MAOA: variants seen among roughly 807,000 people sequenced by gnomAD.
MAOA encodes monoamine oxidase A, also known as amine oxidase [flavin-containing] A.
Under a neutral mutation model 42.0 loss-of-function variants are expected in MAOA, and 6 were observed. That is an observed-to-expected ratio of 0.14 (90% CI 0.08 to 0.28). The LOEUF is 0.28. Among genes scored for constraint, MAOA ranks in the 10% least tolerant of loss-of-function variants. MAOA has a pLI of 1.00. For missense variants in MAOA, 262 were observed against 422.3 expected, an observed-to-expected ratio of 0.62 and a Z score of 3.33; for synonymous variants, 140 against 154.0, an observed-to-expected ratio of 0.91 and a Z score of 0.67.
At chrX:43,735,938 C>A (rs2033917086) in intron 9 of MAOA, among the ~76,000 whole-genome samples, 1 of 112,903 alleles carries the variant, frequency 8.9e-6, no homozygotes, top group African/African-American at 3.2e-5. Context: ...GCACAACATT[C>A]ATTCATTCAA....
intron 1 of MAOA, among the ~76,000 whole-genome samples, chrX:43,661,558 A>G (rs1367557697): frequency 9.0e-6 from 1 of 110,617 alleles, no homozygotes; most frequent in East Asian, 2.9e-4. Flanking sequence ...TAATTTCCCA[A>G]TGGTGAGAGT....
intron 1 of MAOA, among the ~76,000 whole-genome samples, chrX:43,678,671 A>G (rs2033419688): frequency 8.9e-6 from 1 of 111,878 alleles, no homozygotes; most frequent in Non-Finnish European, 1.9e-5. Flanking sequence ...ATAGTGAGTG[A>G]CACACAAGTA....
At chrX:43,739,633 G>A (rs1055886780) in intron 10 of MAOA, among the ~76,000 whole-genome samples, 4 of 111,610 alleles carry the variant, frequency 3.6e-5, no homozygotes, top group Non-Finnish European at 5.7e-5. Context: ...AGCTCCCCCC[G>A]CCCTGCATAA....
intron 2 of MAOA, among the ~76,000 whole-genome samples, chrX:43,689,253 AT>A (rs2147083314): frequency 9.0e-6 from 1 of 111,168 alleles, no homozygotes; most frequent in South Asian, 3.7e-4. Flanking sequence ...TAATTTTTGC[AT>A]TTTTAGTGGA....
intron 6 of MAOA, among the ~76,000 whole-genome samples, chrX:43,728,853 A>C (rs1178859683): frequency 8.9e-6 from 1 of 112,973 alleles, no homozygotes; most frequent in African/African-American, 3.2e-5. Context: ...CCCAGTTTCC[A>C]TATCATTTCC....
chrX:43,741,925 T>C, intron 11 of MAOA, 25 bp from the exon 12 acceptor site: 1 of 1,211,113 alleles, frequency 8.3e-7, no homozygotes, highest in South Asian at 1.8e-5. Context: ...TTCTCTTTTG[T>C]ATTTTCTTCC....
chrX:43,729,984 A>G, intron 6 of MAOA, among the ~76,000 whole-genome samples: 1 of 110,222 alleles, frequency 9.1e-6, no homozygotes, highest in East Asian at 2.9e-4. Context: ...ACCTGAGGAC[A>G]GGAGTTTGAG....
chrX:43,683,387 A>G (rs1370440899), intron 1 of MAOA, 126 bp from the exon 2 acceptor site: 1 of 537,821 alleles, frequency 1.9e-6, no homozygotes, highest in Non-Finnish European at 3.3e-6. Context: ...GTCAGAATTT[A>G]TTAGAAAGAC....
intron 3 of MAOA, among the ~76,000 whole-genome samples, chrX:43,702,872 GA>G (rs3216387): frequency 7.4e-5 from 8 of 107,564 alleles, no homozygotes; most frequent in African/African-American, 1.3e-4. Context: ...AAATGTCTCT[GA>G]AAAAAAAAAT....
intron 10 of MAOA, among the ~76,000 whole-genome samples, chrX:43,738,530 A>G (rs991539725): frequency 1.8e-5 from 2 of 112,037 alleles, no homozygotes; most frequent in African/African-American, 6.5e-5. Context: ...CCAGAAAGTA[A>G]GTTAAGCAGG....
At chrX:43,704,164 G>A (rs775162602) in intron 3 of MAOA, among the ~76,000 whole-genome samples, 4 of 111,039 alleles carry the variant, frequency 3.6e-5, no homozygotes, top group East Asian at 5.6e-4. Context: ...GTATTATCCC[G>A]AATAACAAAA....
chrX:43,717,214 C>G (rs1442474826), intron 5 of MAOA, among the ~76,000 whole-genome samples: 1 of 110,626 alleles, frequency 9.0e-6, no homozygotes, highest in African/African-American at 3.3e-5. Flanking sequence ...TGGGGGGAAA[C>G]AGGGAAGGGT....
At position 43,677,914 on chromosome X, in the gene MAOA, T is replaced by C. The variant is rs973748140; in HGVS notation, c.74-5599T>C. Among the ~76,000 whole-genome samples the C allele has an allele frequency of 3.6e-5, 4 of 111,674 alleles. No individual in the cohort carries two copies. In the South Asian group the frequency reaches 1.5e-3, roughly 42 times the overall value. ...ATGATAGATTTTGCTAGTGTTCACTTAGACCTCTTCTCTCAAAAACATGGG... is the reference window on the plus strand; with the variant it reads ...ATGATAGATTTTGCTAGTGTTCACTCAGACCTCTTCTCTCAAAAACATGGG... On this transcript the variant is annotated intron_variant, in intron 1 of 14. Transcript: ENST00000338702.
intron 5 of MAOA, among the ~76,000 whole-genome samples, chrX:43,721,208 T>C (rs1487228269): frequency 9.0e-6 from 1 of 111,178 alleles, no homozygotes; most frequent in Non-Finnish European, 1.9e-5. Context: ...GGGTAGATGA[T>C]GTACAGTGAT....
At chrX:43,662,648 G>T (rs951573903) in intron 1 of MAOA, among the ~76,000 whole-genome samples, 2 of 111,333 alleles carry the variant, frequency 1.8e-5, no homozygotes, top group African/African-American at 6.5e-5. Flanking sequence ...GAAAAATCTT[G>T]CAGTATTTGC....
intron 6 of MAOA, among the ~76,000 whole-genome samples, chrX:43,731,027 A>G (rs964295823): frequency 1.8e-5 from 2 of 111,758 alleles, no homozygotes; most frequent in Non-Finnish European, 3.8e-5. Context: ...TAAACTTGTA[A>G]TGGCTTTTCT....
intron 3 of MAOA, among the ~76,000 whole-genome samples, chrX:43,698,240 T>C (rs1338743820): frequency 8.9e-6 from 1 of 112,302 alleles, no homozygotes; most frequent in African/African-American, 3.2e-5. Flanking sequence ...CAACAGTCTG[T>C]GGCACATCTA....
chrX:43,740,524 T>C (rs938828184), intron 10 of MAOA, among the ~76,000 whole-genome samples, 157 bp from the exon 11 acceptor site: 1 of 111,951 alleles, frequency 8.9e-6, no homozygotes, highest in African/African-American at 3.2e-5. Flanking sequence ...TTCATGGAAA[T>C]GTTCATTTGT....
In MAOA at chrX:43,672,768, C is replaced by T. The variant is rs751591822; in HGVS notation, c.74-10745C>T. On this transcript the variant is annotated intron_variant, in intron 1 of 14. Coordinates refer to ENST00000338702, the MANE Select transcript of MAOA (RefSeq NM_000240.4). Reference sequence around the variant, plus strand: ...CATTTATTGATTTGAGTATATTGAACCAGCCTTGCATCCCAGGGATGAAGC... The same window carrying T: ...CATTTATTGATTTGAGTATATTGAATCAGCCTTGCATCCCAGGGATGAAGC... 2.7e-5 allele frequency among the ~76,000 whole-genome samples: 3 copies of T among 111,367 alleles called. No individual in the cohort carries two copies. In the South Asian group the frequency reaches 1.1e-3, roughly 42 times the overall value.
Sources: allele counts gnomAD v4.1 joint callset (sites outside exome capture counted in the v4.1 genomes callset), GRCh38; gene constraint gnomAD v4.1.1; transcripts MANE v1.5; gene names NCBI Gene and HGNC (gene_info 2026-07-23, HGNC 2026-07-21).